FBLIM1: variants seen among roughly 807,000 people sequenced by gnomAD.
The protein encoded by FBLIM1 is filamin binding LIM protein 1.
Under a neutral mutation model 37.4 loss-of-function variants are expected in FBLIM1, and 29 were observed. The ratio of observed to expected loss-of-function variants is 0.77; its 90% confidence interval spans 0.58 to 1.06. The LOEUF (loss-of-function observed/expected upper bound fraction) is 1.06. Ranked by LOEUF, FBLIM1 falls within the 50% of genes least tolerant of loss-of-function variation. The pLI is 0.00. For synonymous variants in FBLIM1, 193 were observed against 199.0 expected (o/e 0.97, Z 0.25); for missense variants, 449 against 505.6 (o/e 0.89, Z 1.07).
At chr1:15,768,125 C>T (rs1303132175) in intron 4 of FBLIM1, among the ~76,000 whole-genome samples, 1 of 152,112 alleles carries the variant, frequency 6.6e-6, no homozygotes, top group African/African-American at 2.4e-5. Flanking sequence ...TCACGTGATC[C>T]GCATGGCTCG....
intron 8 of FBLIM1, among the ~76,000 whole-genome samples, chr1:15,778,743 C>T (rs961129882): frequency 1.3e-4 from 20 of 152,140 alleles, no homozygotes; most frequent in African/African-American, 4.6e-4. Context: ...CGAGTTCAAG[C>T]GATTCCCCTG....
chr1:15,778,231 C>T (rs2069548038), intron 8 of FBLIM1, among the ~76,000 whole-genome samples: 1 of 152,042 alleles, frequency 6.6e-6, no homozygotes, highest in Non-Finnish European at 1.5e-5. Context: ...AGATCCACAC[C>T]ACAGTGCCTT....
chr1:15,770,714 A>G, intron 6 of FBLIM1, 136 bp downstream of exon 6: 1 of 1,084,540 alleles, frequency 9.2e-7, no homozygotes, highest in East Asian at 2.6e-5. Flanking sequence ...ACTGAGGCTC[A>G]GAAAGAAGGA....
intron 1 of FBLIM1, among the ~76,000 whole-genome samples, chr1:15,760,981 C>A (rs943838929): frequency 6.6e-6 from 1 of 152,176 alleles, no homozygotes; most frequent in Non-Finnish European, 1.5e-5. Flanking sequence ...CCAGCTTAGA[C>A]CCCCTGGGGC....
intron 1 of FBLIM1, among the ~76,000 whole-genome samples, chr1:15,762,119 C>T (rs1207477066): frequency 4.7e-5 from 7 of 150,532 alleles, no homozygotes; most frequent in African/African-American, 1.7e-4. Context: ...GACAGAGTTT[C>T]ACTCTGTCAC....
At chr1:15,781,717 T>G (rs1470763087) in intron 8 of FBLIM1, among the ~76,000 whole-genome samples, 1 of 135,310 alleles carries the variant, frequency 7.4e-6, no homozygotes, top group Non-Finnish European at 1.7e-5. Flanking sequence ...TAGGTAGTAT[T>G]GTTTTTTTTT....
chr1:15,764,278 G>C (rs1474734877), intron 1 of FBLIM1, among the ~76,000 whole-genome samples: 1 of 152,204 alleles, frequency 6.6e-6, no homozygotes, highest in Non-Finnish European at 1.5e-5. Flanking sequence ...GATGTGTTAG[G>C]TGGGTGATGA....
At chr1:15,762,795 TG>T (rs1410170993) in intron 1 of FBLIM1, among the ~76,000 whole-genome samples, 1 of 152,234 alleles carries the variant, frequency 6.6e-6, no homozygotes, top group African/African-American at 2.4e-5. Flanking sequence ...TGTCCTGCCC[TG>T]GGGCTATCAT....
chr1:15,760,074 A>G (rs1443394319), intron 1 of FBLIM1, among the ~76,000 whole-genome samples: 1 of 150,984 alleles, frequency 6.6e-6, no homozygotes, highest in East Asian at 1.9e-4. Flanking sequence ...AAATACAAAA[A>G]TTAGCCGGGT....
At chr1:15,778,592 C>T (rs2069556463) in intron 8 of FBLIM1, among the ~76,000 whole-genome samples, 1 of 151,716 alleles carries the variant, frequency 6.6e-6, no homozygotes, top group Non-Finnish European at 1.5e-5. Flanking sequence ...CTACAAAAAT[C>T]CACGGTAACA....
intron 1 of FBLIM1, among the ~76,000 whole-genome samples, chr1:15,759,288 G>A (rs1366082598): frequency 1.3e-5 from 2 of 152,320 alleles, no homozygotes; most frequent in Non-Finnish European, 2.9e-5. Flanking sequence ...GGCGCTCCAG[G>A]CCCCTTTTCC....
intron 1 of FBLIM1, among the ~76,000 whole-genome samples, chr1:15,763,098 C>T (rs559138290): frequency 2.0e-5 from 3 of 150,634 alleles, no homozygotes; most frequent in South Asian, 4.2e-4. Context: ...GACAGAGTTT[C>T]GCTCTTGTTG....
chr1:15,764,736 G>T, intron 2 of FBLIM1, 51 bp downstream of exon 2: 1 of 556,768 alleles, frequency 1.8e-6, no homozygotes, highest in South Asian at 2.5e-5. Flanking sequence ...GGGAGGGGCA[G>T]TCAGGACTTT....
intron 8 of FBLIM1, among the ~76,000 whole-genome samples, chr1:15,780,994 AC>A (rs920596398): frequency 6.6e-6 from 1 of 150,544 alleles, no homozygotes; most frequent in Non-Finnish European, 1.5e-5. Context: ...AAGCGAATAA[AC>A]CCCCCCGGTA....
intron 7 of FBLIM1, chr1:15,775,088 C>G: frequency 3.7e-6 from 2 of 540,038 alleles, no homozygotes; most frequent in South Asian, 4.8e-5. Flanking sequence ...GGCATGGTGG[C>G]GGGCGCCTGT....
At chr1:15,778,883 C>T (rs2069565138) in intron 8 of FBLIM1, among the ~76,000 whole-genome samples, 1 of 152,060 alleles carries the variant, frequency 6.6e-6, no homozygotes, top group Non-Finnish European at 1.5e-5. Flanking sequence ...CTCAGGTGAT[C>T]TGCCCACCTC....
In FBLIM1 at chr1:15,767,538, T is replaced by C; in HGVS notation, c.413T>C (p.Leu138Pro). 1 of 1,419,872 alleles carries C rather than the reference T, an allele frequency of 7.0e-7. No individual in the cohort carries two copies. The highest frequency in any genetic ancestry group is 9.3e-7 in the Non-Finnish European group (1 of 1,076,170). The allele number at this position is 1,419,872 out of a possible 1,614,324, so 88.0% of individuals were successfully genotyped here. The change falls in exon 4 of 9, where the codon CTG becomes CCG. Residue 138 changes from leucine to proline, a missense_variant. Coordinates refer to ENST00000375766, the MANE Select transcript of FBLIM1 (RefSeq NM_017556.4). ...ATTGCAGACTTAGAGCAGCTGCACC[T>C]GTCCCCGCCCCCGCCCCCACCACAG... ...SLIADLEQLHLSPPPPPPQAP... is the reference protein window; with the variant it reads ...SLIADLEQLHPSPPPPPPQAP...
At position 15,770,438 on chromosome 1, in the gene FBLIM1, TC is replaced by T; in HGVS notation, c.577del (p.Arg193GlufsTer8). ...DICAFCHKTV[S>X]PRELAVEAMK... is the part of the protein sequence containing the mutation. ...CTGTGCCTTCTGCCACAAGACCGTGTCCCCCCGAGAGCTGGCTGTGGAGGCC... is the reference window on the plus strand; with the variant it reads ...CTGTGCCTTCTGCCACAAGACCGTGTCCCCCGAGAGCTGGCTGTGGAGGCC... On this transcript the variant is annotated frameshift_variant, in exon 6 of 9. Transcript: ENST00000375766. LOFTEE classifies it high-confidence loss of function. The T allele has an allele frequency of 6.2e-7, 1 of 1,613,304 alleles. No homozygotes were observed. The highest frequency in any genetic ancestry group is 8.5e-7 in the Non-Finnish European group (1 of 1,179,840).
At chr1:15,761,666 C>T (rs2068678741) in intron 1 of FBLIM1, among the ~76,000 whole-genome samples, 1 of 152,194 alleles carries the variant, frequency 6.6e-6, no homozygotes, top group African/African-American at 2.4e-5. Context: ...AAGACAAGTA[C>T]TTTAAAATAA....
Sources: allele counts gnomAD v4.1 joint callset (sites outside exome capture counted in the v4.1 genomes callset), GRCh38; gene constraint gnomAD v4.1.1; transcripts MANE v1.5; gene names NCBI Gene and HGNC (gene_info 2026-07-23, HGNC 2026-07-21).